The following EPHA7 variants were observed in gnomAD, a reference collection of about 807,000 sequenced individuals.
The protein encoded by EPHA7 is EPH receptor A7.
Under a neutral mutation model 112.6 loss-of-function variants are expected in EPHA7, and 25 were observed. The ratio of observed to expected loss-of-function variants is 0.22; its 90% CI spans 0.16 to 0.31. The LOEUF (loss-of-function observed/expected upper bound fraction) is 0.31, where lower values mean the gene tolerates loss of function less well. Among genes scored for constraint, EPHA7 ranks in the 10% least tolerant of loss-of-function variants. EPHA7 has a pLI of 1.00. For synonymous variants in EPHA7, 437 were observed against 406.5 expected, an observed-to-expected ratio of 1.07 and a Z score of -0.90; for missense variants, 962 against 1,212.6, an observed-to-expected ratio of 0.79 and a Z score of 3.07.
chr6:93,281,474 G>A (rs866331944), intron 5 of EPHA7, among the ~76,000 whole-genome samples: 37 of 152,116 alleles, frequency 2.4e-4, no homozygotes, highest in African/African-American at 8.7e-4. Context: ...TTGCTTTAAT[G>A]ACAAAATAAT....
intron 5 of EPHA7, among the ~76,000 whole-genome samples, chr6:93,280,458 C>A (rs1000782778): frequency 9.2e-5 from 14 of 152,184 alleles, no homozygotes; most frequent in African/African-American, 2.4e-5. Flanking sequence ...AATCATTCTT[C>A]CTCTGCTTCA....
At chr6:93,414,600 A>G (rs1582699006) in intron 2 of EPHA7, 103 bp downstream of exon 2, 1 of 842,432 alleles carries the variant, frequency 1.2e-6, no homozygotes, top group East Asian at 2.5e-5. Context: ...ATTTGGAATT[A>G]AACAGTTTAT....
intron 9 of EPHA7, chr6:93,260,349 A>G (rs1434946236): frequency 9.1e-6 from 2 of 219,408 alleles, no homozygotes; most frequent in Non-Finnish European, 7.7e-6. Context: ...CAGGTAACAG[A>G]TAATACTATG....
chr6:93,414,020 C>T (rs2127996899), intron 2 of EPHA7, among the ~76,000 whole-genome samples: 1 of 151,942 alleles, frequency 6.6e-6, no homozygotes, highest in East Asian at 1.9e-4. Flanking sequence ...TACTGAGCTA[C>T]ATTTACATAT....
Position 93,343,648 on chromosome 6 carries a change from C to T in EPHA7, c.1324+13069G>A, listed in dbSNP as rs111907842. On this transcript the variant is annotated intron_variant, in intron 5 of 16. Transcript: ENST00000369303. Reference sequence around the variant, plus strand: ...AATCCCAGCCAAACTATAAAGTAAACTGTTCATGATTTGTCAGATTAGCTG... The same window carrying T: ...AATCCCAGCCAAACTATAAAGTAAATTGTTCATGATTTGTCAGATTAGCTG... Among the ~76,000 whole-genome samples the T allele has an allele frequency of 2.0e-5, 3 of 151,738 alleles. 1 individual carries two copies. Among genetic ancestry groups the T allele is most frequent in the African/African-American group, 7.2e-5 (3 of 41,476 alleles).
chr6:93,395,274 A>G (rs1778110344), intron 3 of EPHA7, among the ~76,000 whole-genome samples: 1 of 151,880 alleles, frequency 6.6e-6, no homozygotes, highest in Non-Finnish European at 1.5e-5. Context: ...ATAATGTGAA[A>G]GATGTATATA....
chr6:93,355,824 A>G lies in EPHA7; in HGVS notation c.1324+893T>C, dbSNP rs149055521. On this transcript the variant is annotated intron_variant, in intron 5 of 16. Transcript: ENST00000369303. ...CTTTAGGCTAAGCTACAAGTGCACT[A>G]TTATCATGGTTATGCCATTTCTTCT... Among the ~76,000 whole-genome samples the G allele has an allele frequency of 2.2e-3, 333 of 152,316 alleles. 4 individuals are homozygous for G. Among genetic ancestry groups the G allele is most frequent in the African/African-American group, 7.7e-3 (320 of 41,582 alleles).
At chr6:93,290,601 TC>T (rs1772308660) in intron 5 of EPHA7, among the ~76,000 whole-genome samples, 1 of 152,180 alleles carries the variant, frequency 6.6e-6, no homozygotes. Context: ...CTCCTTTCTT[TC>T]CTCTCTCTCT....
intron 7 of EPHA7, among the ~76,000 whole-genome samples, chr6:93,267,840 C>G (rs1177425737): frequency 6.6e-5 from 10 of 151,622 alleles, no homozygotes; most frequent in Non-Finnish European, 1.3e-4. Flanking sequence ...CATCTTGAAA[C>G]TTTTGAAATC....
chr6:93,412,188 T>C (rs1427096117), intron 2 of EPHA7, among the ~76,000 whole-genome samples: 1 of 152,098 alleles, frequency 6.6e-6, no homozygotes, highest in Non-Finnish European at 1.5e-5. Flanking sequence ...ATAATGAAAT[T>C]GTCATGTTAA....
Position 93,241,210 on chromosome 6 carries a change from T to C in EPHA7, c.*2216A>G, listed in dbSNP as rs1217670053. ...ATGGCTTTTGTTAATTTAATTTTAA[T>C]AGAAAAAATAAGCACCTTAAGCTAT... On this transcript the variant is annotated 3_prime_UTR_variant, in exon 17 of 17. Coordinates refer to ENST00000369303, the MANE Select transcript of EPHA7 (RefSeq NM_004440.4). 2 of 216,116 alleles carry C rather than the reference T, an allele frequency of 9.3e-6. No individual in the cohort carries two copies. Among genetic ancestry groups the C allele is most frequent in the Non-Finnish European group, 1.9e-5 (2 of 107,314 alleles). 13.4% of individuals were successfully genotyped at this position (216,116 alleles called of 1,614,324 possible). A position where few individuals can be genotyped will look rare whatever the true frequency, so the allele number is the denominator to read the frequency against.
At chr6:93,251,874 G>C (rs527914894) in intron 14 of EPHA7, among the ~76,000 whole-genome samples, 2 of 152,094 alleles carry the variant, frequency 1.3e-5, no homozygotes, top group East Asian at 3.9e-4. Context: ...AATTTATTTG[G>C]AAAGCTCAAC....
intron 3 of EPHA7, among the ~76,000 whole-genome samples, chr6:93,388,594 A>C (rs552903859): frequency 6.6e-6 from 1 of 152,134 alleles, no homozygotes; most frequent in Non-Finnish European, 1.5e-5. Flanking sequence ...ATTACAGTAA[A>C]GTGGGTACAT....
intron 5 of EPHA7, among the ~76,000 whole-genome samples, chr6:93,335,703 A>G (rs1372509102): frequency 1.3e-5 from 2 of 151,996 alleles, no homozygotes; most frequent in Non-Finnish European, 2.9e-5. Flanking sequence ...ATAACAATTA[A>G]AATACAGACA....
chr6:93,360,577 A>T (rs1465827541), intron 3 of EPHA7, among the ~76,000 whole-genome samples: 2 of 152,104 alleles, frequency 1.3e-5, no homozygotes, highest in African/African-American at 4.8e-5. Context: ...ATTCCTCAGA[A>T]TTCTCATTCT....
At chr6:93,353,748 T>C (rs930013490) in intron 5 of EPHA7, among the ~76,000 whole-genome samples, 5 of 152,044 alleles carry the variant, frequency 3.3e-5, no homozygotes, top group African/African-American at 9.7e-5. Flanking sequence ...TTTTTTTTCA[T>C]GAGGAGTTTA....
chr6:93,256,115 G>A (rs1447570577), intron 12 of EPHA7, 78 bp from the exon 13 acceptor site: 12 of 1,303,244 alleles, frequency 9.2e-6, no homozygotes, highest in Admixed American at 1.8e-5. Flanking sequence ...AAATATCTGC[G>A]TGCTAGCAAT....
chr6:93,355,608 C>T (rs1259165110), intron 5 of EPHA7, among the ~76,000 whole-genome samples: 1 of 152,172 alleles, frequency 6.6e-6, no homozygotes, highest in African/African-American at 2.4e-5. Flanking sequence ...TACATAGCAT[C>T]TATCTTCAGC....
rs374849548 is a variant in EPHA7 at position 93,410,464 on chromosome 6, A to C, written c.832+37T>G. 1 of 1,554,566 alleles carries C rather than the reference A, an allele frequency of 6.4e-7. No individual in the cohort carries two copies. The highest frequency in any genetic ancestry group is 1.4e-5 in the African/African-American group (1 of 72,536). On this transcript the variant is annotated intron_variant, in intron 3 of 16. Transcript: ENST00000369303. The surrounding 1 kb of genome is among the most constrained non-coding windows in gnomAD (Gnocchi z 4.0). ...AAAATGTCTGATACTGAAATTTAAA[A>C]AGGCAAAGTGGAGTTTTAATAGGAC... is the stretch of plus-strand genomic sequence containing the variant.
Sources: gnomAD v4.1 joint callset for allele counts (sites outside exome capture counted in the v4.1 genomes callset) on GRCh38, gnomAD v4.1.1 for gene constraint, Gnocchi (gnomAD v3.1) non-coding constraint, MANE v1.5 for transcripts, NCBI Gene and HGNC (gene_info 2026-07-23, HGNC 2026-07-21) for gene names.